The following PRTG variants were observed in gnomAD, a reference collection of about 807,000 sequenced individuals.
PRTG encodes immunoglobulin superfamily, DCC subclass, member 5.
PRTG carries 67 observed loss-of-function variants against 122.5 expected under a neutral mutation model. The observed-to-expected ratio is 0.55, with a 90% CI of 0.45 to 0.67. The LOEUF is 0.67. Ranked by LOEUF, PRTG falls within the 30% of genes least tolerant of loss-of-function variation. The pLI is 0.00. For synonymous variants in PRTG, 554 were observed against 501.1 expected, an observed-to-expected ratio of 1.11 and a Z score of -1.41; for missense variants, 1,435 against 1,415.4, an observed-to-expected ratio of 1.01 and a Z score of -0.22.
intron 6 of PRTG, 117 bp from the exon 7 acceptor site, chr15:55,679,562 G>A (rs2141810533): frequency 2.8e-6 from 2 of 722,228 alleles, no homozygotes; most frequent in East Asian, 2.8e-5. Flanking sequence ...CTGACATGCT[G>A]AGCTCCTGTC....
intron 19 of PRTG, 72 bp from the exon 20 acceptor site, chr15:55,620,338 C>T: frequency 1.9e-6 from 3 of 1,569,750 alleles, no homozygotes; most frequent in Non-Finnish European, 2.6e-6. Context: ...CTCATCAGGT[C>T]CCCACAGACA....
At chr15:55,705,477 T>C (rs1217409391) in intron 2 of PRTG, among the ~76,000 whole-genome samples, 2 of 152,206 alleles carry the variant, frequency 1.3e-5, no homozygotes, top group Non-Finnish European at 2.9e-5. Context: ...ATTCTTTTTG[T>C]GAGAGAGGGT....
In PRTG at chr15:55,672,637, G is replaced by A. The variant is rs970934886; in HGVS notation, c.1853-4C>T. 2 of 1,606,484 alleles carry A rather than the reference G, an allele frequency of 1.2e-6. No homozygotes were observed. Among genetic ancestry groups the A allele is most frequent in the African/African-American group, 2.7e-5 (2 of 74,722 alleles). ...TGCAACTCTGGAGACTTAGGGGCTA[G>A]CAAAATTCATCAGAAAATGTATGTA... On this transcript the variant is annotated splice_polypyrimidine_tract_variant and splice_region_variant and intron_variant, in intron 10 of 19. Coordinates refer to ENST00000389286, the MANE Select transcript of PRTG (RefSeq NM_173814.6).
At chr15:55,696,335 G>A (rs1274094297) in intron 2 of PRTG, among the ~76,000 whole-genome samples, 1 of 152,152 alleles carries the variant, frequency 6.6e-6, no homozygotes, top group Non-Finnish European at 1.5e-5. Flanking sequence ...TATTGAGTTT[G>A]ATATATATTA....
At chr15:55,682,773 G>C (rs1222302741) in intron 3 of PRTG, among the ~76,000 whole-genome samples, 10 of 151,994 alleles carry the variant, frequency 6.6e-5, no homozygotes, top group South Asian at 2.1e-4. Flanking sequence ...ATGATGATCA[G>C]GCTGGTCTTG....
At chr15:55,654,474 T>A (rs533017340) in intron 11 of PRTG, among the ~76,000 whole-genome samples, 1 of 152,302 alleles carries the variant, frequency 6.6e-6, no homozygotes, top group African/African-American at 2.4e-5. Context: ...GTGTGCCGTA[T>A]CCTGGGATAA....
intron 2 of PRTG, among the ~76,000 whole-genome samples, chr15:55,713,654 T>A (rs2030482629): frequency 6.6e-6 from 1 of 152,228 alleles, no homozygotes; most frequent in Non-Finnish European, 1.5e-5. Context: ...CTTTAAAAAT[T>A]TCATTTCCCT....
chr15:55,734,013 C>A (rs1340521709), intron 2 of PRTG, among the ~76,000 whole-genome samples: 7 of 152,170 alleles, frequency 4.6e-5, no homozygotes, highest in African/African-American at 1.7e-4. Context: ...GATTCTCAAT[C>A]AGGAGTTATT....
intron 16 of PRTG, among the ~76,000 whole-genome samples, chr15:55,627,562 G>C (rs886620890): frequency 6.8e-6 from 1 of 146,062 alleles, no homozygotes; most frequent in African/African-American, 2.6e-5. Context: ...GGATGGTCTC[G>C]ATCTCCTGAC....
At chr15:55,665,062 T>C (rs56167828) in intron 11 of PRTG, among the ~76,000 whole-genome samples, 2 of 151,660 alleles carry the variant, frequency 1.3e-5, no homozygotes, top group Non-Finnish European at 2.9e-5. Context: ...ATCGAGACCA[T>C]CCTGGCTAAC....
chr15:55,715,364 T>C (rs1476932823), intron 2 of PRTG, among the ~76,000 whole-genome samples: 1 of 152,206 alleles, frequency 6.6e-6, no homozygotes, highest in African/African-American at 2.4e-5. Context: ...ACTGTGTTTT[T>C]CATTTGATTG....
chr15:55,715,492 G>C (rs111591347), intron 2 of PRTG, among the ~76,000 whole-genome samples: 1 of 152,214 alleles, frequency 6.6e-6, no homozygotes, highest in African/African-American at 2.4e-5. Flanking sequence ...GGGGCCTTGA[G>C]AGTATGTGAA....
At chr15:55,704,571 T>C (rs927687650) in intron 2 of PRTG, among the ~76,000 whole-genome samples, 1 of 152,224 alleles carries the variant, frequency 6.6e-6, no homozygotes, top group African/African-American at 2.4e-5. Flanking sequence ...ATAAAATCCT[T>C]GGTTCTCCTT....
Position 55,614,285 on chromosome 15 carries a change from G to A in PRTG, c.*5727C>T, listed in dbSNP as rs2059132947. 6.6e-6 allele frequency: 1 copy of A among 152,078 alleles called. No individual in the cohort carries two copies. Among genetic ancestry groups the A allele is most frequent in the Non-Finnish European group, 1.5e-5 (1 of 67,974 alleles). 9.4% of individuals were successfully genotyped at this position (152,078 alleles called of 1,614,324 possible). A position where few individuals can be genotyped will look rare whatever the true frequency, so the allele number is the denominator to read the frequency against. ...AGAAAGATCAAATTTCCTAGGAAAT[G>A]TATATACATGCTGATGGCATAAGGA... On this transcript the variant is annotated 3_prime_UTR_variant, in exon 20 of 20. Coordinates refer to ENST00000389286, the MANE Select transcript of PRTG (RefSeq NM_173814.6).
chr15:55,734,960 G>A (rs1329517591), intron 2 of PRTG, among the ~76,000 whole-genome samples: 1 of 152,132 alleles, frequency 6.6e-6, no homozygotes, highest in African/African-American at 2.4e-5. Context: ...AGCTTGCTCT[G>A]CTCTGTGCAG....
intron 3 of PRTG, among the ~76,000 whole-genome samples, 160 bp downstream of exon 3, chr15:55,683,627 T>G (rs900431548): frequency 6.6e-6 from 1 of 152,230 alleles, no homozygotes; most frequent in Admixed American, 6.5e-5. Context: ...TGCCAGAGAC[T>G]GATGATCTAA....
In PRTG at chr15:55,624,481, T is replaced by G; in HGVS notation, c.2954A>C (p.Gln985Pro). Reference sequence around the variant, plus strand: ...ACGAGGTAACTGTTGAGTTCCATTCTGTGCCGTCTTGGAAGCAGATGATTT... The same window carrying G: ...ACGAGGTAACTGTTGAGTTCCATTCGGTGCCGTCTTGGAAGCAGATGATTT... The part of the protein sequence containing the change: ...ARKSSASKTA[Q>P]NGTQQLPRTS... Residue 985 changes from glutamine to proline, a missense_variant, in exon 18 of 20, where the codon CAG (glutamine) becomes CCG (proline). Physicochemically the swap from Gln to Pro is moderately conservative, Grantham distance 76. Coordinates refer to ENST00000389286, the MANE Select transcript of PRTG (RefSeq NM_173814.6). The G allele has an allele frequency of 6.2e-7, 1 of 1,612,524 alleles. No individual in the cohort carries two copies. Among genetic ancestry groups the G allele is most frequent in the Middle Eastern group, 1.6e-4 (1 of 6,062 alleles).
intron 7 of PRTG, 123 bp downstream of exon 7, chr15:55,679,163 G>A (rs1009607060): frequency 3.2e-6 from 2 of 634,678 alleles, no homozygotes; most frequent in Non-Finnish European, 5.3e-6. Flanking sequence ...TCTTAGTTTA[G>A]TTTCATTTTG....
intron 11 of PRTG, among the ~76,000 whole-genome samples, chr15:55,650,286 C>T (rs904650315): frequency 3.3e-5 from 5 of 152,094 alleles, no homozygotes; most frequent in African/African-American, 7.2e-5. Flanking sequence ...TAGGAATAAC[C>T]GCTGCAAAAG....
Sources: allele counts gnomAD v4.1 joint callset (sites outside exome capture counted in the v4.1 genomes callset), GRCh38; gene constraint gnomAD v4.1.1; transcripts MANE v1.5; gene names NCBI Gene and HGNC (gene_info 2026-07-23, HGNC 2026-07-21).